DPP6: variants seen among roughly 807,000 people sequenced by gnomAD.
The protein encoded by DPP6 is dipeptidyl peptidase like 6.
DPP6 carries 69 observed loss-of-function variants against 122.6 expected under a neutral mutation model. The observed-to-expected ratio is 0.56, with a 90% CI of 0.46 to 0.69. DPP6 has a LOEUF of 0.69. Ranked by LOEUF, DPP6 falls within the 30% of genes least tolerant of loss-of-function variation. The pLI is 0.00. For missense variants in DPP6, 928 were observed against 1,116.9 expected (o/e 0.83, Z 2.41); for synonymous variants, 418 against 433.1 (o/e 0.97, Z 0.43).
chr7:154,637,868 T>C lies in DPP6; in HGVS notation c.675T>C (p.Pro225=). 1 of 1,575,132 alleles carries C rather than the reference T, an allele frequency of 6.3e-7. No individual in the cohort carries two copies. Among genetic ancestry groups the C allele is most frequent in the South Asian group, 1.2e-5 (1 of 85,510 alleles). The change falls in exon 6 of 26, where the codon CCT becomes CCC. Residue 225 remains proline, a synonymous_variant. Coordinates refer to ENST00000377770, the MANE Select transcript of DPP6 (RefSeq NM_130797.4). The stretch of plus-strand genomic sequence containing the variant: ...GATATTACGTCCTGAGCAAAATTCC[T>C]CATGGGTAAGAGTGTTCTTTTCTTT... ...YTGYYVLSKI[P]HGDPQSLDPP...
chr7:154,575,339 GTGTA>G (rs1441256788), intron 5 of DPP6, among the ~76,000 whole-genome samples: 1 of 69,386 alleles, frequency 1.4e-5, no homozygotes, highest in Non-Finnish European at 2.9e-5. Flanking sequence ...TGTGTGGTGT[GTGTA>G]TGTGTGTGTG....
intron 2 of DPP6, among the ~76,000 whole-genome samples, chr7:154,473,853 G>A (rs972823412): frequency 5.3e-5 from 8 of 152,268 alleles, no homozygotes; most frequent in African/African-American, 1.9e-4. Context: ...AATGTGGAAT[G>A]CACACAGACA....
At chr7:154,814,775 G>A (rs1172493930) in intron 16 of DPP6, among the ~76,000 whole-genome samples, 2 of 152,194 alleles carry the variant, frequency 1.3e-5, no homozygotes, top group Non-Finnish European at 2.9e-5. Flanking sequence ...TCTGGTGGTT[G>A]CCAGCAGTCC....
At chr7:153,955,998 A>G (rs1456236965) in intron 1 of DPP6, among the ~76,000 whole-genome samples, 2 of 152,186 alleles carry the variant, frequency 1.3e-5, no homozygotes, top group Non-Finnish European at 2.9e-5. Flanking sequence ...TTGTGGTCCT[A>G]TAAAGGTGCG....
chr7:154,790,449 A>G (rs1017451345), intron 10 of DPP6, among the ~76,000 whole-genome samples: 1 of 152,226 alleles, frequency 6.6e-6, no homozygotes, highest in African/African-American at 2.4e-5. Context: ...TTATGGATGC[A>G]TGTATGTAAA....
chr7:154,117,910 G>A (rs971001835), intron 1 of DPP6, among the ~76,000 whole-genome samples: 3 of 152,160 alleles, frequency 2.0e-5, no homozygotes, highest in South Asian at 2.1e-4. Flanking sequence ...AGTACCATGA[G>A]ACTGAGGACT....
chr7:154,652,725 C>T (rs189622448), intron 6 of DPP6, among the ~76,000 whole-genome samples: 42 of 152,140 alleles, frequency 2.8e-4, no homozygotes, highest in African/African-American at 7.0e-4. Flanking sequence ...GAGACCCAGA[C>T]GCCACTAGAT....
chr7:154,043,021 A>T (rs1205845565), intron 1 of DPP6, among the ~76,000 whole-genome samples: 2 of 152,190 alleles, frequency 1.3e-5, no homozygotes, highest in Admixed American at 6.5e-5. Context: ...AATCAGGAGC[A>T]ACCTATGAAG....
At chr7:153,895,457 T>C (rs941617272) in intron 1 of DPP6, among the ~76,000 whole-genome samples, 3 of 152,202 alleles carry the variant, frequency 2.0e-5, no homozygotes, top group African/African-American at 7.2e-5. Context: ...TCAACATTGC[T>C]CTTAGGACAT....
At chr7:154,126,889 C>T (rs1807930624) in intron 1 of DPP6, among the ~76,000 whole-genome samples, 1 of 152,144 alleles carries the variant, frequency 6.6e-6, no homozygotes, top group Admixed American at 6.5e-5. Flanking sequence ...GTCAAAATAT[C>T]CCTATTTTCT....
intron 10 of DPP6, among the ~76,000 whole-genome samples, chr7:154,777,769 A>G (rs1487577625): frequency 6.6e-6 from 1 of 152,014 alleles, no homozygotes; most frequent in Non-Finnish European, 1.5e-5. Flanking sequence ...AGAGGCGGTA[A>G]AGGGCTCCCA....
chr7:153,819,956 T>A, the DPP6 span, among the ~76,000 whole-genome samples: 2 of 152,206 alleles, frequency 1.3e-5, no homozygotes, highest in African/African-American at 4.8e-5. Context: ...ATTCATCCAA[T>A]CTTAAAGCTA....
intron 1 of DPP6, among the ~76,000 whole-genome samples, chr7:154,193,672 G>A (rs1450065469): frequency 6.6e-6 from 1 of 152,070 alleles, no homozygotes; most frequent in Non-Finnish European, 1.5e-5. Context: ...CTCATGGTGG[G>A]CTCACATATG....
chr7:154,793,895 T>C, intron 10 of DPP6, 184 bp from the exon 11 acceptor site: 2 of 937,126 alleles, frequency 2.1e-6, no homozygotes, highest in Non-Finnish European at 3.1e-6. Flanking sequence ...GGGCGGCCCC[T>C]CAGAGTCCCG....
At chr7:154,277,967 G>A (rs1020375732) in intron 1 of DPP6, among the ~76,000 whole-genome samples, 41 of 152,150 alleles carry the variant, frequency 2.7e-4, no homozygotes, top group Non-Finnish European at 1.0e-4. Flanking sequence ...GAATAATCAG[G>A]CAGGTGCACG....
chr7:154,537,438 T>C (rs1433821744), intron 3 of DPP6, among the ~76,000 whole-genome samples: 1 of 152,190 alleles, frequency 6.6e-6, no homozygotes, highest in Non-Finnish European at 1.5e-5. Context: ...TCTCATTCAC[T>C]ATTGGTGCCT....
chr7:153,904,421 A>G (rs761548096), intron 1 of DPP6, among the ~76,000 whole-genome samples: 2 of 152,082 alleles, frequency 1.3e-5, no homozygotes, highest in Non-Finnish European at 2.9e-5. Context: ...TGTTCTCAGC[A>G]CCCTCATCAG....
At chr7:154,137,263 T>C (rs1314901265) in intron 1 of DPP6, among the ~76,000 whole-genome samples, 4 of 152,116 alleles carry the variant, frequency 2.6e-5, no homozygotes, top group African/African-American at 9.7e-5. Context: ...CCCTGTGTAA[T>C]TATTTTATGA....
At chr7:154,865,778 G>C (rs760192782) in intron 17 of DPP6, among the ~76,000 whole-genome samples, 4 of 152,078 alleles carry the variant, frequency 2.6e-5, no homozygotes, top group Non-Finnish European at 4.4e-5. Flanking sequence ...ACCTCTCCTC[G>C]GTCCTGTTTA....
Sources: allele counts gnomAD v4.1 joint callset (sites outside exome capture counted in the v4.1 genomes callset), GRCh38; gene constraint gnomAD v4.1.1; transcripts MANE v1.5; gene names NCBI Gene and HGNC (gene_info 2026-07-23, HGNC 2026-07-21).